The following IL1RAPL1 variants were observed in gnomAD, a reference collection of about 807,000 sequenced individuals.
The protein encoded by IL1RAPL1 is interleukin-1 receptor accessory protein-like 1.
IL1RAPL1 carries 3 observed loss-of-function variants against 48.4 expected under a neutral mutation model. The observed-to-expected ratio is 0.06, with a 90% CI of 0.03 to 0.16. The LOEUF (loss-of-function observed/expected upper bound fraction) is 0.16. Ranked by LOEUF, IL1RAPL1 falls within the 10% of genes least tolerant of loss-of-function variation. The pLI is 1.00. For missense variants in IL1RAPL1, 349 were observed against 530.6 expected, an observed-to-expected ratio of 0.66 and a Z score of 3.36; for synonymous variants, 185 against 187.7, an observed-to-expected ratio of 0.99 and a Z score of 0.12.
chrX:29,829,155 TACACAC>T (rs57560936), intron 6 of IL1RAPL1, among the ~76,000 whole-genome samples: 18,694 of 61,546 alleles, frequency 0.3, 2,506 homozygotes, highest in East Asian at 0.39. Flanking sequence ...GACAAAAACC[TACACAC>T]ACACACACAC....
intron 5 of IL1RAPL1, among the ~76,000 whole-genome samples, chrX:29,659,919 A>G: frequency 8.9e-6 from 1 of 111,984 alleles, no homozygotes; most frequent in East Asian, 2.8e-4. Flanking sequence ...ATTTATGAAG[A>G]AAAGAGGTTT....
chrX:29,375,159 A>ATTTTT (rs764787587), intron 3 of IL1RAPL1, among the ~76,000 whole-genome samples: 1 of 76,003 alleles, frequency 1.3e-5, no homozygotes. Context: ...ATTGGGAGCA[A>ATTTTT]TTTTTTTTTT....
At chrX:29,688,512 A>G (rs965060008) in intron 6 of IL1RAPL1, among the ~76,000 whole-genome samples, 2 of 111,490 alleles carry the variant, frequency 1.8e-5, no homozygotes, top group Admixed American at 1.9e-4. Context: ...ATCTGCCAAG[A>G]CCCTTTTTCC....
chrX:28,821,789 G>T (rs1936940148), intron 2 of IL1RAPL1, among the ~76,000 whole-genome samples: 1 of 111,173 alleles, frequency 9.0e-6, no homozygotes. Flanking sequence ...GATGGAAGGG[G>T]TTATTTCTTA....
In IL1RAPL1 at chrX:29,230,521, A is replaced by AAAAAAAAAC. The variant is rs1569265283; in HGVS notation, c.83-52409_83-52408insCAAAAAAAA. On this transcript the variant is annotated intron_variant, in intron 2 of 10. Transcript: ENST00000378993. Reference sequence around the variant, plus strand: ...CCCTTTACCAAAAAAAAAAAAAAAAAAAAAAAAAAAAAAACCTTGTTGTCT... The same window carrying AAAAAAAAAC: ...CCCTTTACCAAAAAAAAAAAAAAAAAAAAAAAAACAAAAAAAAAAAAAACCTTGTTGTCT... Among the ~76,000 whole-genome samples the AAAAAAAAAC allele has an allele frequency of 4.1e-5, 4 of 96,887 alleles. No individual in the cohort carries two copies. The East Asian group carries it at 9.2e-4, about 22-fold the overall frequency. 84.1% of individuals were successfully genotyped at this position (96,887 alleles called of 115,157 possible).
At chrX:29,367,552 T>TTTTATTTATTTATTTA (rs35288881) in intron 3 of IL1RAPL1, among the ~76,000 whole-genome samples, 6 of 98,515 alleles carry the variant, frequency 6.1e-5, no homozygotes, top group African/African-American at 2.3e-4. Context: ...TTCTATTTAT[T>TTTTATTTATTTATTTA]TTTATTTATT....
At chrX:29,741,935 GAAAAAAAA>G (rs1182352727) in intron 6 of IL1RAPL1, among the ~76,000 whole-genome samples, 4 of 61,834 alleles carry the variant, frequency 6.5e-5, no homozygotes, top group African/African-American at 1.9e-4. Context: ...AAAAAAAAAA[GAAAAAAAA>G]AAAAAAAAAA....
At chrX:29,027,690 A>G (rs1051819684) in intron 2 of IL1RAPL1, among the ~76,000 whole-genome samples, 2 of 111,577 alleles carry the variant, frequency 1.8e-5, no homozygotes, top group African/African-American at 6.5e-5. Context: ...TTACAAGCTT[A>G]CCAGTATATG....
At chrX:29,535,217 C>CTTATTCAGGGA (rs1194246113) in intron 5 of IL1RAPL1, among the ~76,000 whole-genome samples, 4 of 108,158 alleles carry the variant, frequency 3.7e-5, no homozygotes, top group Non-Finnish European at 7.7e-5. Flanking sequence ...TTATCTTTAC[C>CTTATTCAGGGA]AGTTGTCAGA....
intron 5 of IL1RAPL1, among the ~76,000 whole-genome samples, chrX:29,496,216 T>G (rs1935211421): frequency 9.0e-6 from 1 of 111,709 alleles, no homozygotes; most frequent in African/African-American, 3.3e-5. Flanking sequence ...AAAATGTATT[T>G]TTTTCTCTTT....
intron 6 of IL1RAPL1, among the ~76,000 whole-genome samples, chrX:29,896,422 A>T (rs781475164): frequency 1.8e-5 from 2 of 112,393 alleles, no homozygotes; most frequent in Non-Finnish European, 3.8e-5. Flanking sequence ...AGAGAAGTAG[A>T]GCAGTAGGGT....
intron 3 of IL1RAPL1, among the ~76,000 whole-genome samples, chrX:29,317,259 G>A (rs1324489903): frequency 8.9e-6 from 1 of 111,748 alleles, no homozygotes; most frequent in Non-Finnish European, 1.9e-5. Context: ...CAGAAAATAT[G>A]CAACATATGT....
chrX:28,827,716 A>C (rs889842632), intron 2 of IL1RAPL1, among the ~76,000 whole-genome samples: 2 of 111,877 alleles, frequency 1.8e-5, no homozygotes, highest in African/African-American at 3.2e-5. Context: ...AGAAGTAATT[A>C]AAATGTGGGT....
intron 1 of IL1RAPL1, among the ~76,000 whole-genome samples, chrX:28,664,518 A>G (rs968109928): frequency 1.8e-5 from 2 of 111,307 alleles, no homozygotes; most frequent in African/African-American, 3.3e-5. Context: ...AGCTTTAGTG[A>G]ATTTCTTTTT....
At chrX:28,768,749 C>CTATATATA (rs1333539964) in intron 1 of IL1RAPL1, among the ~76,000 whole-genome samples, 40 of 69,738 alleles carry the variant, frequency 5.7e-4, no homozygotes, top group Non-Finnish European at 9.2e-4. Context: ...CTCTCTCTCT[C>CTATATATA]TCTCTCTATA....
At chrX:29,680,919 C>T (rs1271895095) in intron 6 of IL1RAPL1, among the ~76,000 whole-genome samples, 1 of 111,895 alleles carries the variant, frequency 8.9e-6, no homozygotes, top group African/African-American at 3.2e-5. Context: ...TCTCTTCCAG[C>T]CTTAAACCTA....
At position 29,428,567 on chromosome X, in the gene IL1RAPL1, CA is replaced by C. The variant is rs1206227085; in HGVS notation, c.703+29269del. On this transcript the variant is annotated intron_variant, in intron 5 of 10. Coordinates refer to ENST00000378993, the MANE Select transcript of IL1RAPL1 (RefSeq NM_014271.4). ...CTTTGTTAAAAAAAAACTTTAGGAA[CA>C]AAAAAAAAATGAGTAAAAACTTTCT... 5.5e-4 allele frequency among the ~76,000 whole-genome samples: 57 copies of C among 103,471 alleles called. 1 individual carries two copies. The East Asian group carries it at 8.4e-3, about 15-fold the overall frequency. The allele number at this position is 103,471 out of a possible 115,157, so 89.9% of individuals were successfully genotyped here.
chrX:29,252,380 C>T (rs1285796033), intron 2 of IL1RAPL1, among the ~76,000 whole-genome samples: 1 of 113,769 alleles, frequency 8.8e-6, no homozygotes, highest in Non-Finnish European at 1.9e-5. Context: ...CTAGATTTCT[C>T]TATCAGTTTC....
At chrX:29,569,632 CA>C (rs748577565) in intron 5 of IL1RAPL1, among the ~76,000 whole-genome samples, 136 of 78,908 alleles carry the variant, frequency 1.7e-3, no homozygotes, top group African/African-American at 2.4e-3. Flanking sequence ...AATAAAATTG[CA>C]AAAAAAAAAA....
Sources: allele counts gnomAD v4.1 joint callset (sites outside exome capture counted in the v4.1 genomes callset), GRCh38; gene constraint gnomAD v4.1.1; transcripts MANE v1.5; gene names NCBI Gene and HGNC (gene_info 2026-07-23, HGNC 2026-07-21).